PRKCZ: variants seen among roughly 807,000 people sequenced by gnomAD.
The protein encoded by PRKCZ is protein kinase C zeta, also known as protein kinase C zeta type.
PRKCZ carries 33 observed loss-of-function variants against 79.5 expected under a neutral mutation model. That is an observed-to-expected ratio of 0.41 (90% CI 0.31 to 0.55). PRKCZ has a LOEUF of 0.55. Ranked by LOEUF, PRKCZ falls within the 20% of genes least tolerant of loss-of-function variation. The pLI is 0.19. For synonymous variants in PRKCZ, 342 were observed against 320.9 expected (o/e 1.07, Z -0.70); for missense variants, 578 against 813.5 (o/e 0.71, Z 3.52).
Position 2,180,507 on chromosome 1 carries a change from T to C in PRKCZ, c.1576-4076T>C, listed in dbSNP as rs113136033. Among the ~76,000 whole-genome samples, 1,044 of 144,578 alleles carry C rather than the reference T, an allele frequency of 7.2e-3. 9 individuals carry two copies. The highest frequency in any genetic ancestry group is 0.01 in the Non-Finnish European group (674 of 67,086). 94.8% of individuals were successfully genotyped at this position (144,578 alleles called of 152,430 possible). Reference sequence around the variant, plus strand: ...CGCACAGACGACGCGGACGCACAGATGACGTGGACGCACAGATGACGTGGA... The same window carrying C: ...CGCACAGACGACGCGGACGCACAGACGACGTGGACGCACAGATGACGTGGA... On this transcript the variant is annotated intron_variant, in intron 16 of 17. Coordinates refer to ENST00000378567, the MANE Select transcript of PRKCZ (RefSeq NM_002744.6).
intron 5 of PRKCZ, among the ~76,000 whole-genome samples, chr1:2,139,084 A>C (rs115694710): frequency 6.6e-6 from 1 of 152,252 alleles, no homozygotes; most frequent in East Asian, 1.9e-4. Context: ...TGTAGCACGT[A>C]AAACCCAGAA....
chr1:2,175,276 A>C lies in PRKCZ; in HGVS notation c.1538A>C (p.Lys513Thr). The C allele has an allele frequency of 6.2e-7, 1 of 1,613,868 alleles. No homozygotes were observed. The highest frequency in any genetic ancestry group is 8.5e-7 in the Non-Finnish European group (1 of 1,179,926). ...CCACAGACTGGATTTTCTGACATCA[A>C]GTCCCACGCGTTCTTCCGCAGCATA... ...CRPQTGFSDI[K>T]SHAFFRSIDW... The change falls in exon 16 of 18, where the codon AAG becomes ACG. Residue 513 changes from lysine (K) to threonine (T), a missense_variant. Coordinates refer to ENST00000378567, the MANE Select transcript of PRKCZ (RefSeq NM_002744.6).
At chr1:2,144,602 C>T (rs781470303) in intron 6 of PRKCZ, 2 of 1,326,832 alleles carry the variant, frequency 1.5e-6, no homozygotes, top group Non-Finnish European at 1.9e-6. Context: ...GTGGTACGCT[C>T]TGCTCAGTGG....
intron 4 of PRKCZ, among the ~76,000 whole-genome samples, chr1:2,068,580 C>A (rs1392067209): frequency 2.6e-5 from 4 of 152,236 alleles, no homozygotes; most frequent in Non-Finnish European, 5.9e-5. Flanking sequence ...TGCAGGAACC[C>A]TTTTCCAAAG....
rs902834254 is a variant in PRKCZ, at chr1:2,063,339, G to A, written c.334+3748G>A. On this transcript the variant is annotated intron_variant, in intron 4 of 17. Coordinates refer to ENST00000378567, the MANE Select transcript of PRKCZ (RefSeq NM_002744.6). ...TTTATTCATTTATTTTTGAGATAGC[G>A]TCTCGCTCTGTCGCTTAGGCTGGAG... 2.2e-4 allele frequency among the ~76,000 whole-genome samples: 33 copies of A among 152,206 alleles called. 1 individual carries two copies. Among genetic ancestry groups the A allele is most frequent in the Non-Finnish European group, 4.6e-4 (31 of 68,042 alleles).
intron 4 of PRKCZ, among the ~76,000 whole-genome samples, chr1:2,112,611 CAAAA>C (rs1669966816): frequency 3.3e-5 from 5 of 152,036 alleles, no homozygotes; most frequent in Admixed American, 3.3e-4. Flanking sequence ...TCACAGTACT[CAAAA>C]AAGGAAGAAG....
At chr1:2,085,006 TAAA>T (rs1158812575) in intron 4 of PRKCZ, among the ~76,000 whole-genome samples, 1 of 145,608 alleles carries the variant, frequency 6.9e-6, no homozygotes, top group Non-Finnish European at 1.5e-5. Context: ...GAGACCCTCT[TAAA>T]AAAAGAAAAA....
intron 5 of PRKCZ, among the ~76,000 whole-genome samples, chr1:2,139,180 G>T (rs752452527): frequency 6.6e-6 from 1 of 152,208 alleles, no homozygotes; most frequent in African/African-American, 2.4e-5. Flanking sequence ...CTGAGAACCG[G>T]TGTGAATGGT....
At chr1:2,171,513 G>A (rs1371177575) in intron 11 of PRKCZ, 1 of 152,548 alleles carries the variant, frequency 6.6e-6, no homozygotes, top group Admixed American at 6.5e-5. Flanking sequence ...CTACAGGTGT[G>A]CGCCACCATA....
At chr1:2,074,118 A>C in intron 4 of PRKCZ, 2 of 1,520,088 alleles carry the variant, frequency 1.3e-6, no homozygotes, top group Non-Finnish European at 1.8e-6. Context: ...GGCCCGGGGA[A>C]GGCGTGCGGC....
chr1:2,162,866 G>A (rs769771681), intron 10 of PRKCZ, among the ~76,000 whole-genome samples: 10 of 152,202 alleles, frequency 6.6e-5, no homozygotes, highest in Non-Finnish European at 1.0e-4. Flanking sequence ...GTAACTGTGG[G>A]CCCCATGGCT....
At chr1:2,054,935 G>A (rs1293732651) in intron 1 of PRKCZ, among the ~76,000 whole-genome samples, 4 of 151,308 alleles carry the variant, frequency 2.6e-5, no homozygotes, top group African/African-American at 9.7e-5. Flanking sequence ...GAAGTTGATG[G>A]TGGTCATTTT....
intron 4 of PRKCZ, among the ~76,000 whole-genome samples, chr1:2,076,418 A>G (rs1301361233): frequency 6.6e-6 from 1 of 152,170 alleles, no homozygotes. Flanking sequence ...GGCCTCCAGA[A>G]ATGTTTGTCA....
At chr1:2,080,724 C>T (rs1200071753) in intron 4 of PRKCZ, among the ~76,000 whole-genome samples, 1 of 152,218 alleles carries the variant, frequency 6.6e-6, no homozygotes, top group Non-Finnish European at 1.5e-5. Context: ...TCAGTCTCCC[C>T]TCCTGCCCCC....
rs146249228 is a variant in PRKCZ at position 2,169,637 on chromosome 1, G to A, written c.1061+33G>A. On this transcript the variant is annotated intron_variant, in intron 11 of 17. Coordinates refer to ENST00000378567, the MANE Select transcript of PRKCZ (RefSeq NM_002744.6). Reference sequence around the variant, plus strand: ...CGCGTGGACGGGGCCGGGTGGGTGCGCCCGGAGTTGGGGATGGGTGGGTGC... The same window carrying A: ...CGCGTGGACGGGGCCGGGTGGGTGCACCCGGAGTTGGGGATGGGTGGGTGC... 311 of 1,375,710 alleles carry A rather than the reference G, an allele frequency of 2.3e-4. 2 individuals are homozygous for A. In the African/African-American group the frequency reaches 3.8e-3, roughly 17 times the overall value. The allele number at this position is 1,375,710 out of a possible 1,614,324, so 85.2% of individuals were successfully genotyped here.
chr1:2,117,998 C>CCCTTTTTTTT (rs58233626), intron 4 of PRKCZ, among the ~76,000 whole-genome samples: 33 of 65,060 alleles, frequency 5.1e-4, no homozygotes, highest in African/African-American at 2.0e-3. Flanking sequence ...CCTATTATTT[C>CCCTTTTTTTT]TTTTTTTTTT....
chr1:2,135,407 G>GA, intron 5 of PRKCZ, 60 bp downstream of exon 5: 1 of 1,454,914 alleles, frequency 6.9e-7, no homozygotes, highest in Non-Finnish European at 9.4e-7. Flanking sequence ...TAAAAGCAAA[G>GA]AGAGAGGAGG....
intron 9 of PRKCZ, among the ~76,000 whole-genome samples, chr1:2,151,223 C>T (rs2103226812): frequency 6.6e-6 from 1 of 152,380 alleles, no homozygotes; most frequent in Admixed American, 6.5e-5. Flanking sequence ...GCACAGCCAA[C>T]TCCACAGCCA....
At chr1:2,079,677 C>G (rs28475011) in intron 4 of PRKCZ, among the ~76,000 whole-genome samples, 34,333 of 152,168 alleles carry the variant, frequency 0.23, 4,577 homozygotes, top group East Asian at 0.61. Flanking sequence ...ATGGTGGGAG[C>G]ATGTGTGCTG....
Sources: allele counts gnomAD v4.1 joint callset (sites outside exome capture counted in the v4.1 genomes callset), GRCh38; gene constraint gnomAD v4.1.1; transcripts MANE v1.5; gene names NCBI Gene and HGNC (gene_info 2026-07-23, HGNC 2026-07-21).